Variants in ABCC4 observed in about 807,000 individuals in gnomAD.
ABCC4 encodes the protein ATP-binding cassette sub-family C member 4.
A neutral mutation model predicts 168.5 loss-of-function variants in ABCC4; 102 were observed. The ratio of observed to expected loss-of-function variants is 0.61; its 90% CI spans 0.52 to 0.71. The LOEUF (loss-of-function observed/expected upper bound fraction) is 0.71, where lower values mean the gene tolerates loss of function less well. Ranked by LOEUF, ABCC4 falls within the 30% of genes least tolerant of loss-of-function variation. The pLI, the probability that ABCC4 is intolerant of heterozygous loss-of-function variation, is 0.00. For synonymous variants in ABCC4, 617 were observed against 590.7 expected (o/e 1.04, Z -0.65); for missense variants, 1,402 against 1,605.8 (o/e 0.87, Z 2.17).
chr13:95,163,058 C>T, intron 18 of ABCC4, 64 bp downstream of exon 18: 1 of 1,123,014 alleles, frequency 8.9e-7, no homozygotes, highest in Non-Finnish European at 1.4e-6. Flanking sequence ...GCCCTAGTTA[C>T]TCACACAGGC....
At chr13:95,271,932 G>A (rs1198446365) in intron 1 of ABCC4, among the ~76,000 whole-genome samples, 1 of 152,120 alleles carries the variant, frequency 6.6e-6, no homozygotes, top group Non-Finnish European at 1.5e-5. Flanking sequence ...AAGCCAGTTT[G>A]AACTCACAAA....
At chr13:95,129,448 T>C (rs2035887367) in intron 19 of ABCC4, among the ~76,000 whole-genome samples, 3 of 152,218 alleles carry the variant, frequency 2.0e-5, no homozygotes, top group Admixed American at 6.5e-5. Context: ...ACTGCAAATA[T>C]AATGGACATG....
intron 26 of ABCC4, among the ~76,000 whole-genome samples, chr13:95,057,539 A>G (rs989938920): frequency 5.3e-5 from 8 of 152,030 alleles, no homozygotes; most frequent in Admixed American, 3.9e-4. Context: ...TGCCCGGCCC[A>G]GTATTTGTTT....
intron 1 of ABCC4, among the ~76,000 whole-genome samples, chr13:95,248,277 T>C (rs1476336961): frequency 6.6e-6 from 1 of 152,016 alleles, no homozygotes; most frequent in Non-Finnish European, 1.5e-5. Flanking sequence ...AATCCACGAA[T>C]CCTTACTGAG....
intron 21 of ABCC4, among the ~76,000 whole-genome samples, chr13:95,081,408 G>A (rs1317752709): frequency 1.3e-5 from 2 of 151,946 alleles, no homozygotes; most frequent in African/African-American, 2.4e-5. Flanking sequence ...TTTCATGAGC[G>A]GGCCCAAACC....
intron 11 of ABCC4, among the ~76,000 whole-genome samples, chr13:95,178,541 C>T (rs1032582569): frequency 9.9e-5 from 15 of 152,240 alleles, no homozygotes; most frequent in Middle Eastern, 6.8e-3. Flanking sequence ...GGGCTCTGAT[C>T]GAGGGGGTCT....
chr13:95,123,633 T>C (rs1275138464), intron 19 of ABCC4, among the ~76,000 whole-genome samples: 2 of 152,180 alleles, frequency 1.3e-5, no homozygotes, highest in Non-Finnish European at 2.9e-5. Context: ...AGTGCTGGGA[T>C]TACAGGCATG....
intron 4 of ABCC4, among the ~76,000 whole-genome samples, chr13:95,213,777 C>A (rs2039030037): frequency 1.3e-5 from 2 of 152,116 alleles, no homozygotes. Flanking sequence ...CAGAAGGATT[C>A]AATGCTAAAG....
In ABCC4 at chr13:95,053,103, A is replaced by C; in HGVS notation, c.3448T>G (p.Leu1150Val). The change falls in exon 27 of 31, where the codon TTA becomes GTA. Residue 1150 changes from leucine to valine, a missense_variant. Transcript: ENST00000645237. The stretch of plus-strand genomic sequence containing the variant: ...TACATTTTATCAATTACCTCTTGTA[A>C]GGCATTCCACAGTTCCTCATCCGTG... ...EHTDEELWNA[L>V]QEVQLKETIE... is the part of the protein sequence containing the mutation. 1 of 1,613,468 alleles carries C rather than the reference A, an allele frequency of 6.2e-7. No individual in the cohort carries two copies. The highest frequency in any genetic ancestry group is 8.5e-7 in the Non-Finnish European group (1 of 1,179,402).
intron 1 of ABCC4, among the ~76,000 whole-genome samples, chr13:95,290,009 C>G (rs1260245405): frequency 6.6e-6 from 1 of 151,884 alleles, no homozygotes; most frequent in African/African-American, 2.4e-5. Flanking sequence ...GGCAGGAGAA[C>G]TGCTTGAACC....
chr13:95,175,604 G>A (rs761959841), intron 13 of ABCC4, among the ~76,000 whole-genome samples: 8 of 152,320 alleles, frequency 5.3e-5, no homozygotes, highest in South Asian at 4.1e-4. Flanking sequence ...CACAGTGCCC[G>A]GCCAACACAG....
intron 19 of ABCC4, among the ~76,000 whole-genome samples, chr13:95,127,814 A>G (rs2035835839): frequency 6.6e-6 from 1 of 152,086 alleles, no homozygotes; most frequent in African/African-American, 2.4e-5. Flanking sequence ...CTGCTGGCTG[A>G]CCTCTTCTCC....
At chr13:95,215,221 G>A (rs963088498) in intron 4 of ABCC4, among the ~76,000 whole-genome samples, 21 of 152,084 alleles carry the variant, frequency 1.4e-4, no homozygotes, top group Admixed American at 5.2e-4. Flanking sequence ...AGGAGTTCGC[G>A]ACCAGCCTGG....
intron 4 of ABCC4, among the ~76,000 whole-genome samples, chr13:95,211,134 G>A (rs539243967): frequency 6.6e-6 from 1 of 152,176 alleles, no homozygotes; most frequent in Non-Finnish European, 1.5e-5. Flanking sequence ...AAAATGAGAG[G>A]ACGTGGACTA....
At chr13:95,062,148 G>A (rs758467690) in intron 26 of ABCC4, among the ~76,000 whole-genome samples, 25 of 152,214 alleles carry the variant, frequency 1.6e-4, no homozygotes, top group Middle Eastern at 3.4e-3. Flanking sequence ...ATGGAATTCC[G>A]TCTCTCATGT....
At chr13:95,096,251 C>A (rs1400082189) in intron 20 of ABCC4, 6 of 547,602 alleles carry the variant, frequency 1.1e-5, no homozygotes, top group South Asian at 2.5e-5. Flanking sequence ...ATCAATGACC[C>A]TAAAGACAGA....
At chr13:95,233,017 T>C (rs1218800389) in intron 4 of ABCC4, among the ~76,000 whole-genome samples, 2 of 152,132 alleles carry the variant, frequency 1.3e-5, no homozygotes, top group Non-Finnish European at 2.9e-5. Flanking sequence ...TTGAAAATAT[T>C]TGGGGGAAAC....
At chr13:95,074,574 GA>G (rs2033836185) in intron 22 of ABCC4, among the ~76,000 whole-genome samples, 1 of 152,194 alleles carries the variant, frequency 6.6e-6, no homozygotes, top group African/African-American at 2.4e-5. Flanking sequence ...AAAGAACTGA[GA>G]AAAGTAGTCT....
At chr13:95,064,350 T>A (rs937434132) in intron 25 of ABCC4, among the ~76,000 whole-genome samples, 1 of 149,552 alleles carries the variant, frequency 6.7e-6, no homozygotes, top group African/African-American at 2.5e-5. Context: ...GGATATTAAT[T>A]CAAGACAGAG....
Sources: gnomAD v4.1 joint callset for allele counts (sites outside exome capture counted in the v4.1 genomes callset) on GRCh38, gnomAD v4.1.1 for gene constraint, MANE v1.5 for transcripts, NCBI Gene and HGNC (gene_info 2026-07-23, HGNC 2026-07-21) for gene names.